The following PDE7B variants were observed in gnomAD, a reference collection of about 807,000 sequenced individuals.
PDE7B encodes phosphodiesterase 7B.
Under a neutral mutation model 56.2 loss-of-function variants are expected in PDE7B, and 29 were observed. The observed-to-expected ratio is 0.52, with a 90% confidence interval of 0.38 to 0.70. PDE7B has a LOEUF of 0.70. Ranked by LOEUF, PDE7B falls within the 30% of genes least tolerant of loss-of-function variation. The pLI is 0.00. For synonymous variants in PDE7B, 197 were observed against 196.9 expected (o/e 1.00, Z 0.00); for missense variants, 490 against 565.0 (o/e 0.87, Z 1.35).
chr6:136,023,529 C>T (rs1776104622), intron 2 of PDE7B, among the ~76,000 whole-genome samples: 1 of 152,198 alleles, frequency 6.6e-6, no homozygotes, highest in African/African-American at 2.4e-5. Flanking sequence ...GGCTGAGGAG[C>T]AGATAATTCA....
intron 11 of PDE7B, among the ~76,000 whole-genome samples, chr6:136,183,276 T>C (rs189902096): frequency 6.6e-6 from 1 of 152,058 alleles, no homozygotes; most frequent in African/African-American, 2.4e-5. Context: ...CCTTATGGTC[T>C]AGTAGAAATT....
rs536023131 is a variant in PDE7B, at chr6:136,070,575, G to A, written c.83-38156G>A. Among the ~76,000 whole-genome samples, 12 of 152,022 alleles carry A rather than the reference G, an allele frequency of 7.9e-5. No individual in the cohort carries two copies. In the East Asian group the frequency reaches 2.3e-3, roughly 29 times the overall value. On this transcript the variant is annotated intron_variant, in intron 2 of 12. Coordinates refer to ENST00000308191, the MANE Select transcript of PDE7B (RefSeq NM_018945.4). Reference sequence around the variant, plus strand: ...TTTTATTTTAAAAGGTTAGTTAATGGCATTGATCCAGATAGAATAGCATTT... The same window carrying A: ...TTTTATTTTAAAAGGTTAGTTAATGACATTGATCCAGATAGAATAGCATTT...
intron 3 of PDE7B, among the ~76,000 whole-genome samples, chr6:136,116,569 G>T (rs961877686): frequency 2.6e-5 from 4 of 152,182 alleles, no homozygotes; most frequent in Non-Finnish European, 4.4e-5. Context: ...AATATTGGGA[G>T]AGCCAGAGTT....
intron 1 of PDE7B, among the ~76,000 whole-genome samples, chr6:135,864,163 G>A (rs560940660): frequency 3.7e-4 from 57 of 152,174 alleles, no homozygotes; most frequent in Admixed American, 1.8e-3. Context: ...CCTAATACAA[G>A]CATAATGCAT....
chr6:136,137,637 C>T (rs567240089), intron 3 of PDE7B, among the ~76,000 whole-genome samples: 11 of 152,204 alleles, frequency 7.2e-5, no homozygotes, highest in Middle Eastern at 3.4e-3. Context: ...GATATATTTA[C>T]AGCTTTCTTA....
rs913794199 is a variant in PDE7B at position 136,171,022 on chromosome 6, C to CA, written c.712-2772dup. 2.2e-4 allele frequency among the ~76,000 whole-genome samples: 33 copies of CA among 152,156 alleles called. 1 individual carries two copies. Among genetic ancestry groups the CA allele is most frequent in the African/African-American group, 7.9e-4 (33 of 41,524 alleles). On this transcript the variant is annotated intron_variant, in intron 8 of 12. Coordinates refer to ENST00000308191, the MANE Select transcript of PDE7B (RefSeq NM_018945.4). ...GTAAGATTATAACTACTCTTGAAAC[C>CA]AAATGGAGACTGAATAAACAAAATA...
chr6:135,851,863 T>TC lies in PDE7B; in HGVS notation c.-136_-135insC, dbSNP rs1327974468. ...TATTTCTTTTCCTTTTTTTTCTTTT[T>TC]TTTTTTTTGTTACTTAATTATATTC... is the stretch of plus-strand genomic sequence containing the variant. On this transcript the variant is annotated 5_prime_UTR_variant, in exon 1 of 13. Coordinates refer to ENST00000308191, the MANE Select transcript of PDE7B (RefSeq NM_018945.4). 5.0e-6 allele frequency: 3 copies of TC among 597,368 alleles called. No individual in the cohort carries two copies. The East Asian group carries it at 8.4e-5, about 17-fold the overall frequency. 37.0% of individuals were successfully genotyped at this position (597,368 alleles called of 1,614,324 possible).
chr6:135,916,510 A>G (rs1306556978), intron 1 of PDE7B, among the ~76,000 whole-genome samples: 3 of 145,666 alleles, frequency 2.1e-5, no homozygotes, highest in African/African-American at 7.7e-5. Flanking sequence ...CTCCTGCCTC[A>G]GCCTCCCGAG....
intron 2 of PDE7B, among the ~76,000 whole-genome samples, chr6:136,043,590 A>T (rs1341127819): frequency 6.6e-6 from 1 of 151,388 alleles, no homozygotes; most frequent in Admixed American, 6.6e-5. Context: ...AAAAAAAAAA[A>T]AAAAAGTGCC....
chr6:136,108,514 T>C (rs1269619182), intron 2 of PDE7B, among the ~76,000 whole-genome samples: 2 of 152,202 alleles, frequency 1.3e-5, no homozygotes, highest in African/African-American at 4.8e-5. Flanking sequence ...ACCCATCTTC[T>C]AAGCACATAC....
chr6:136,185,057 G>T (rs572057603), intron 11 of PDE7B, among the ~76,000 whole-genome samples: 1 of 152,226 alleles, frequency 6.6e-6, no homozygotes, highest in African/African-American at 2.4e-5. Flanking sequence ...GAGTGAAACT[G>T]GCTGTAGGAG....
intron 2 of PDE7B, among the ~76,000 whole-genome samples, chr6:136,028,694 G>A (rs183969423): frequency 2.8e-4 from 43 of 152,242 alleles, no homozygotes; most frequent in African/African-American, 9.9e-4. Flanking sequence ...TCACTCTGAC[G>A]CTGACTCTTC....
At chr6:136,038,370 C>T in intron 2 of PDE7B, 1 of 1,291,752 alleles carries the variant, frequency 7.7e-7, no homozygotes. Context: ...CTGCCCTCCT[C>T]CCCGGGAAGC....
chr6:135,994,927 A>AG (rs1775538613), intron 2 of PDE7B, among the ~76,000 whole-genome samples: 1 of 152,212 alleles, frequency 6.6e-6, no homozygotes, highest in African/African-American at 2.4e-5. Flanking sequence ...TCATAGTCAT[A>AG]GGGCTCAGTT....
At chr6:136,055,224 G>C (rs533695642) in intron 2 of PDE7B, among the ~76,000 whole-genome samples, 2 of 152,338 alleles carry the variant, frequency 1.3e-5, no homozygotes, top group African/African-American at 4.8e-5. Context: ...TGGTAGATAT[G>C]CCCATGATGG....
At chr6:135,991,185 T>G (rs1481428174) in intron 2 of PDE7B, among the ~76,000 whole-genome samples, 1 of 152,124 alleles carries the variant, frequency 6.6e-6, no homozygotes, top group Non-Finnish European at 1.5e-5. Context: ...TCAGCAAGGT[T>G]TTTGACCTGT....
At chr6:136,102,476 G>A (rs1333709174) in intron 2 of PDE7B, among the ~76,000 whole-genome samples, 5 of 152,138 alleles carry the variant, frequency 3.3e-5, no homozygotes, top group Non-Finnish European at 5.9e-5. Context: ...ATACGTGAAT[G>A]ATGCGTAATC....
rs182639578 is a variant in PDE7B, at chr6:136,048,119, G to A, written c.83-60612G>A. Among the ~76,000 whole-genome samples the A allele has an allele frequency of 2.4e-4, 37 of 152,228 alleles. 1 individual carries two copies. The highest frequency in any genetic ancestry group is 8.9e-4 in the African/African-American group (37 of 41,564). On this transcript the variant is annotated intron_variant, in intron 2 of 12. Coordinates refer to ENST00000308191, the MANE Select transcript of PDE7B (RefSeq NM_018945.4). ...AGACAGACAGACAGACAGATAGATAGATGTGATATATAATATACTAAATGT... is the reference window on the plus strand; with the variant it reads ...AGACAGACAGACAGACAGATAGATAAATGTGATATATAATATACTAAATGT...
intron 1 of PDE7B, among the ~76,000 whole-genome samples, chr6:135,858,928 T>C (rs974904199): frequency 5.3e-5 from 8 of 152,158 alleles, no homozygotes; most frequent in African/African-American, 1.7e-4. Flanking sequence ...AGGAAAATTA[T>C]ACTATAATAT....
Sources: allele counts gnomAD v4.1 joint callset (sites outside exome capture counted in the v4.1 genomes callset), GRCh38; gene constraint gnomAD v4.1.1; transcripts MANE v1.5; gene names NCBI Gene and HGNC (gene_info 2026-07-23, HGNC 2026-07-21).